Variants in NEDD4 observed in about 807,000 individuals in gnomAD.
NEDD4 encodes the protein E3 ubiquitin-protein ligase NEDD4.
In NEDD4, 99 loss-of-function variants were observed where a neutral mutation model predicts 144.9. The observed-to-expected ratio is 0.68, with a 90% CI of 0.58 to 0.81. NEDD4 has a LOEUF of 0.81. NEDD4 is among the 30% of genes least tolerant of loss of function. NEDD4 has a pLI of 0.00. For synonymous variants in NEDD4, 318 were observed against 350.6 expected, an observed-to-expected ratio of 0.91 and a Z score of 1.04; for missense variants, 985 against 1,065.9, an observed-to-expected ratio of 0.92 and a Z score of 1.06.
At chr15:55,986,580 C>CTTTTTTTTTT (rs58470215) in intron 1 of NEDD4, among the ~76,000 whole-genome samples, 7 of 76,434 alleles carry the variant, frequency 9.2e-5, no homozygotes, top group African/African-American at 2.4e-4. Flanking sequence ...CCTGTCCTTG[C>CTTTTTTTTTT]TTTTTTTTTT....
chr15:55,933,111 A>AG, intron 4 of NEDD4, among the ~76,000 whole-genome samples: 1 of 152,312 alleles, frequency 6.6e-6, no homozygotes, highest in South Asian at 2.1e-4. Flanking sequence ...CCATTGTGGA[A>AG]GACAGTGTGG....
chr15:55,980,876 TGACA>T (rs2037788766), intron 1 of NEDD4, among the ~76,000 whole-genome samples: 1 of 152,234 alleles, frequency 6.6e-6, no homozygotes, highest in African/African-American at 2.4e-5. Flanking sequence ...ATTAAATTTG[TGACA>T]GACATACAGA....
intron 1 of NEDD4, among the ~76,000 whole-genome samples, chr15:55,975,249 A>G (rs909740800): frequency 4.6e-5 from 7 of 152,090 alleles, no homozygotes; most frequent in African/African-American, 1.7e-4. Context: ...TAGAGAAATC[A>G]GATAAGAAAA....
chr15:55,946,256 ACCCACCT>A (rs2037111516), intron 4 of NEDD4, among the ~76,000 whole-genome samples: 1 of 152,170 alleles, frequency 6.6e-6, no homozygotes, highest in Non-Finnish European at 1.5e-5. Flanking sequence ...TATTCAGGAG[ACCCACCT>A]CATGTGCAGA....
intron 5 of NEDD4, among the ~76,000 whole-genome samples, chr15:55,913,091 T>C (rs2036325989): frequency 6.6e-6 from 1 of 151,952 alleles, no homozygotes; most frequent in Admixed American, 6.5e-5. Flanking sequence ...GAAAAGAAGT[T>C]GTAGACTCTC....
intron 5 of NEDD4, among the ~76,000 whole-genome samples, chr15:55,908,292 C>T (rs2036164288): frequency 6.6e-6 from 1 of 152,194 alleles, no homozygotes; most frequent in Admixed American, 6.5e-5. Context: ...TTTGCTTAAT[C>T]CATTCTCCAG....
At chr15:55,903,171 A>G (rs1440277712) in intron 5 of NEDD4, among the ~76,000 whole-genome samples, 1 of 152,196 alleles carries the variant, frequency 6.6e-6, no homozygotes, top group Non-Finnish European at 1.5e-5. Context: ...ATTAGATTGT[A>G]GTCAGCCCAA....
At chr15:55,990,698 C>G (rs942931575) in intron 1 of NEDD4, among the ~76,000 whole-genome samples, 2 of 152,094 alleles carry the variant, frequency 1.3e-5, no homozygotes, top group African/African-American at 4.8e-5. Context: ...GTGTGGGAAA[C>G]AGTGTTTAGT....
intron 1 of NEDD4, among the ~76,000 whole-genome samples, chr15:55,991,497 C>A (rs1459569419): frequency 6.6e-6 from 1 of 152,222 alleles, no homozygotes. Flanking sequence ...ACAGAGCAAA[C>A]AGTAAATGAA....
chr15:55,980,109 A>C (rs986573645), intron 1 of NEDD4, among the ~76,000 whole-genome samples: 1 of 151,966 alleles, frequency 6.6e-6, no homozygotes, highest in Non-Finnish European at 1.5e-5. Context: ...TGCCCAGCTA[A>C]TTTTTGTATT....
chr15:55,903,680 C>T (rs187586300), intron 5 of NEDD4, among the ~76,000 whole-genome samples: 63 of 151,334 alleles, frequency 4.2e-4, no homozygotes, highest in African/African-American at 1.4e-3. Context: ...AAAAAATTAG[C>T]TGGGCGTGGT....
intron 4 of NEDD4, among the ~76,000 whole-genome samples, chr15:55,936,791 TTTTC>T (rs2036897647): frequency 6.8e-6 from 1 of 147,274 alleles, no homozygotes; most frequent in Admixed American, 6.8e-5. Context: ...TTGCTATTTC[TTTTC>T]TTTTTTTTTT....
chr15:55,839,033 A>AT (rs36010044), intron 21 of NEDD4, among the ~76,000 whole-genome samples: 30,463 of 145,816 alleles, frequency 0.21, 3,329 homozygotes, highest in Non-Finnish European at 0.25. Flanking sequence ...TTTTAATTTA[A>AT]TTTTTTTTTT....
At chr15:55,867,800 A>T (rs572646799) in intron 8 of NEDD4, among the ~76,000 whole-genome samples, 6 of 152,364 alleles carry the variant, frequency 3.9e-5, no homozygotes, top group Admixed American at 2.6e-4. Flanking sequence ...TCACGCCTGT[A>T]GTCCCAGCAC....
At chr15:55,958,439 A>T (rs1222064180) in intron 2 of NEDD4, among the ~76,000 whole-genome samples, 1 of 152,154 alleles carries the variant, frequency 6.6e-6, no homozygotes, top group East Asian at 1.9e-4. Flanking sequence ...GTTGACAGAT[A>T]TTGGTTTTAA....
At chr15:55,854,502 G>A (rs1404119365) in intron 12 of NEDD4, among the ~76,000 whole-genome samples, 4 of 152,088 alleles carry the variant, frequency 2.6e-5, no homozygotes, top group African/African-American at 9.7e-5. Flanking sequence ...CATGCTAAGT[G>A]AAAAAGGTCA....
intron 2 of NEDD4, among the ~76,000 whole-genome samples, chr15:55,956,907 A>G (rs538777724): frequency 6.6e-6 from 1 of 152,192 alleles, no homozygotes; most frequent in South Asian, 2.1e-4. Context: ...CCACCCTAAC[A>G]CTATTGAGTC....
intron 4 of NEDD4, among the ~76,000 whole-genome samples, chr15:55,938,642 A>C (rs1480052335): frequency 6.6e-6 from 1 of 152,166 alleles, no homozygotes; most frequent in African/African-American, 2.4e-5. Flanking sequence ...GCTATATGAC[A>C]AAAGAAACAA....
intron 4 of NEDD4, among the ~76,000 whole-genome samples, chr15:55,931,649 A>T (rs1473832763): frequency 2.6e-5 from 4 of 152,234 alleles, no homozygotes; most frequent in African/African-American, 9.6e-5. Context: ...AGGTGTTGGT[A>T]AGTATATGAT....
Sources: gnomAD v4.1 joint callset for allele counts (sites outside exome capture counted in the v4.1 genomes callset) on GRCh38, gnomAD v4.1.1 for gene constraint, MANE v1.5 for transcripts, NCBI Gene and HGNC (gene_info 2026-07-23, HGNC 2026-07-21) for gene names.